KATNBL1: variants seen among roughly 807,000 people sequenced by gnomAD.
KATNBL1 encodes KATNB1-like protein 1.
Under a neutral mutation model 44.7 loss-of-function variants are expected in KATNBL1, and 28 were observed. The ratio of observed to expected loss-of-function variants is 0.63; its 90% confidence interval spans 0.46 to 0.86. KATNBL1 has a LOEUF of 0.86. Ranked by LOEUF, KATNBL1 falls within the 40% of genes least tolerant of loss-of-function variation. The probability of loss-of-function intolerance (pLI) is 0.00; values close to 1 mark genes in which losing one functional copy is unlikely to be tolerated. For synonymous variants in KATNBL1, 78 were observed against 114.9 expected (o/e 0.68, Z 2.06); for missense variants, 272 against 350.7 (o/e 0.78, Z 1.79).
chr15:34,184,006 T>C (rs1163302896), intron 1 of KATNBL1, among the ~76,000 whole-genome samples: 1 of 151,872 alleles, frequency 6.6e-6, no homozygotes, highest in Non-Finnish European at 1.5e-5. Context: ...CCATCTCTAC[T>C]AAAAACACAA....
chr15:34,178,822 T>C lies in KATNBL1; in HGVS notation c.-14-15132A>G, dbSNP rs190541704. On this transcript the variant is annotated intron_variant, in intron 1 of 9. Transcript: ENST00000256544. ...AAGAAGAGAAGGTAAACATGAGATT[T>C]TTCTGGGATAATCTTTAGGGCCTGT... Among the ~76,000 whole-genome samples the C allele has an allele frequency of 2.9e-4, 44 of 152,180 alleles. 1 individual carries two copies. Among genetic ancestry groups the C allele is most frequent in the African/African-American group, 8.9e-4 (37 of 41,508 alleles).
intron 1 of KATNBL1, among the ~76,000 whole-genome samples, chr15:34,183,337 C>T (rs988137749): frequency 3.9e-5 from 6 of 152,180 alleles, no homozygotes; most frequent in African/African-American, 1.4e-4. Flanking sequence ...CTCCAGGCTC[C>T]TCCTGCCCCT....
chr15:34,202,999 AAAAT>A (rs1890208918), intron 1 of KATNBL1, among the ~76,000 whole-genome samples: 1 of 152,326 alleles, frequency 6.6e-6, no homozygotes, highest in African/African-American at 2.4e-5. Flanking sequence ...AAAAAAAATA[AAAAT>A]AAATAAATAA....
chr15:34,154,141 G>T lies in KATNBL1; in HGVS notation c.158+503C>A, dbSNP rs998486071. On this transcript the variant is annotated intron_variant, in intron 3 of 9. Coordinates refer to ENST00000256544, the MANE Select transcript of KATNBL1 (RefSeq NM_024713.3). ...CTACTGTGATATCAAATGGCATATA[G>T]CTTCTTGAAAAATTATATTGTACCC... 3.9e-5 allele frequency among the ~76,000 whole-genome samples: 6 copies of T among 152,212 alleles called. No individual in the cohort carries two copies. The South Asian group carries it at 6.2e-4, about 16-fold the overall frequency.
intron 1 of KATNBL1, among the ~76,000 whole-genome samples, chr15:34,168,384 GCTAA>G (rs1408331555): frequency 6.6e-6 from 1 of 152,078 alleles, no homozygotes; most frequent in African/African-American, 2.4e-5. Context: ...AACAAGAAGA[GCTAA>G]CTATCTTAAA....
chr15:34,202,644 C>A (rs1054423303), intron 1 of KATNBL1, among the ~76,000 whole-genome samples: 4 of 152,140 alleles, frequency 2.6e-5, no homozygotes, highest in African/African-American at 9.7e-5. Context: ...AAATATGACT[C>A]CTGTGTCCAA....
chr15:34,175,573 T>C (rs186713971), intron 1 of KATNBL1, among the ~76,000 whole-genome samples: 2 of 152,290 alleles, frequency 1.3e-5, no homozygotes, highest in East Asian at 3.9e-4. Flanking sequence ...CTTGACACCA[T>C]TAGTCATTAT....
At chr15:34,208,608 G>T (rs1890353406) in intron 1 of KATNBL1, 6 of 152,134 alleles carry the variant, frequency 3.9e-5, no homozygotes, top group Admixed American at 3.9e-4. Context: ...TTCAGGAAAG[G>T]ATATAAAGGA....
intron 2 of KATNBL1, among the ~76,000 whole-genome samples, chr15:34,155,600 C>G (rs970889736): frequency 1.3e-5 from 2 of 152,156 alleles, no homozygotes; most frequent in African/African-American, 4.8e-5. Flanking sequence ...GTTATACTTT[C>G]ATCAGGGGCG....
intron 1 of KATNBL1, among the ~76,000 whole-genome samples, chr15:34,182,992 TA>T (rs147060457): frequency 0.1 from 15,646 of 152,226 alleles, 1,086 homozygotes; most frequent in South Asian, 0.26. Context: ...GGCACACAGC[TA>T]TCCATGGCTT....
intron 3 of KATNBL1, among the ~76,000 whole-genome samples, chr15:34,153,595 G>A (rs1219405423): frequency 4.0e-5 from 6 of 149,318 alleles, no homozygotes; most frequent in Admixed American, 4.0e-4. Context: ...TTTTTGAGAT[G>A]CAGTCTCTCT....
intron 8 of KATNBL1, chr15:34,146,451 A>G: frequency 4.2e-6 from 1 of 236,910 alleles, no homozygotes; most frequent in South Asian, 7.5e-5. Flanking sequence ...TCCTTATTAC[A>G]CTGTGGGCAT....
chr15:34,183,993 A>AC (rs1165921945), intron 1 of KATNBL1, among the ~76,000 whole-genome samples: 1 of 151,944 alleles, frequency 6.6e-6, no homozygotes. Context: ...ACATGGTGAA[A>AC]CCCCATCTCT....
intron 1 of KATNBL1, among the ~76,000 whole-genome samples, chr15:34,164,418 G>A (rs1888902860): frequency 6.6e-6 from 1 of 152,016 alleles, no homozygotes; most frequent in Admixed American, 6.5e-5. Context: ...AGCAATGAGA[G>A]GAACCAAAAT....
intron 2 of KATNBL1, among the ~76,000 whole-genome samples, chr15:34,161,383 G>C (rs914215232): frequency 3.2e-4 from 49 of 152,200 alleles, no homozygotes; most frequent in African/African-American, 1.1e-3. Flanking sequence ...GCCTCCTCAT[G>C]GGAGAGGACC....
chr15:34,144,124 G>A (rs946753365), intron 9 of KATNBL1, among the ~76,000 whole-genome samples: 1 of 151,232 alleles, frequency 6.6e-6, no homozygotes, highest in African/African-American at 2.4e-5. Flanking sequence ...AATGGCCAGA[G>A]CTCCTCTGTG....
intron 2 of KATNBL1, among the ~76,000 whole-genome samples, chr15:34,156,169 G>T (rs564172585): frequency 3.9e-5 from 6 of 152,292 alleles, no homozygotes; most frequent in Admixed American, 2.0e-4. Context: ...TAAGCTCACC[G>T]CATCCTTTTA....
At chr15:34,143,135 A>C in intron 9 of KATNBL1, 1 of 626,184 alleles carries the variant, frequency 1.6e-6, no homozygotes. Flanking sequence ...CCAATAATAA[A>C]TGGTACCTTA....
chr15:34,184,237 C>G (rs1373606379), intron 1 of KATNBL1, among the ~76,000 whole-genome samples: 2 of 151,460 alleles, frequency 1.3e-5, no homozygotes, highest in Non-Finnish European at 2.9e-5. Context: ...ACCCGAGAGG[C>G]TGAGCTTGCA....
Sources: gnomAD v4.1 joint callset for allele counts (sites outside exome capture counted in the v4.1 genomes callset) on GRCh38, gnomAD v4.1.1 for gene constraint, MANE v1.5 for transcripts, NCBI Gene and HGNC (gene_info 2026-07-23, HGNC 2026-07-21) for gene names.